The following OTUD7A variants were observed in gnomAD, a reference collection of about 807,000 sequenced individuals.
OTUD7A encodes the protein OTU domain-containing protein 7A.
A neutral mutation model predicts 65.7 loss-of-function variants in OTUD7A; 12 were observed. The ratio of observed to expected loss-of-function variants is 0.18; its 90% CI spans 0.12 to 0.30. The LOEUF is 0.30. Among genes scored for constraint, OTUD7A ranks in the 10% least tolerant of loss-of-function variants. The probability of loss-of-function intolerance (pLI) is 1.00; values close to 1 mark genes in which losing one functional copy is unlikely to be tolerated. For missense variants in OTUD7A, 1,148 were observed against 1,304.8 expected (o/e 0.88, Z 1.85); for synonymous variants, 641 against 586.3 (o/e 1.09, Z -1.35).
At chr15:31,861,943 T>C (rs1012890063) in intron 1 of OTUD7A, among the ~76,000 whole-genome samples, 1 of 152,174 alleles carries the variant, frequency 6.6e-6, no homozygotes, top group Non-Finnish European at 1.5e-5. Context: ...TGGCAAGAGA[T>C]GGCCAGTGGT....
intron 1 of OTUD7A, among the ~76,000 whole-genome samples, chr15:31,785,721 G>C (rs939321807): frequency 1.3e-5 from 2 of 152,228 alleles, no homozygotes; most frequent in Non-Finnish European, 2.9e-5. Context: ...TTGCAAAGCA[G>C]TGAGAGCCTG....
intron 1 of OTUD7A, among the ~76,000 whole-genome samples, chr15:31,833,761 G>C (rs1262454180): frequency 6.6e-6 from 1 of 152,206 alleles, no homozygotes; most frequent in Non-Finnish European, 1.5e-5. Context: ...TCAGTATTTT[G>C]AGTGAATAGA....
chr15:31,601,605 G>GA lies in OTUD7A; in HGVS notation c.152-31409dup, dbSNP rs931940208. 7.2e-5 allele frequency among the ~76,000 whole-genome samples: 11 copies of GA among 152,156 alleles called. No homozygotes were observed. In the South Asian group the frequency reaches 2.1e-3, roughly 29 times the overall value. ...CTAGCAGAAGACAAGAAAAAACTAA[G>GA]ATCAGAGCAGAACTGAAGGAGATAG... On this transcript the variant is annotated intron_variant, in intron 3 of 12. Transcript: ENST00000307050.
At chr15:31,610,619 T>TATA (rs1249344964) in intron 3 of OTUD7A, among the ~76,000 whole-genome samples, 23 of 45,496 alleles carry the variant, frequency 5.1e-4, no homozygotes, top group Non-Finnish European at 8.3e-4. Flanking sequence ...ATATATATAT[T>TATA]TTTTTTTTTT....
chr15:31,716,984 G>C (rs1298490619), intron 1 of OTUD7A, among the ~76,000 whole-genome samples: 1 of 152,058 alleles, frequency 6.6e-6, no homozygotes, highest in East Asian at 1.9e-4. Flanking sequence ...TAGAAAACTT[G>C]CAAAAATAGT....
At chr15:31,510,083 T>G (rs759487360) in intron 8 of OTUD7A, among the ~76,000 whole-genome samples, 1 of 134,648 alleles carries the variant, frequency 7.4e-6, no homozygotes. Context: ...GTTTCCCCTG[T>G]TTTTTTTTTT....
chr15:31,589,024 A>C (rs1285109917), intron 3 of OTUD7A, among the ~76,000 whole-genome samples: 1 of 152,214 alleles, frequency 6.6e-6, no homozygotes, highest in Non-Finnish European at 1.5e-5. Flanking sequence ...ATTGAAGTGC[A>C]AGGGAGACTG....
intron 1 of OTUD7A, among the ~76,000 whole-genome samples, chr15:31,847,584 G>A (rs1025722312): frequency 6.6e-6 from 1 of 152,184 alleles, no homozygotes; most frequent in African/African-American, 2.4e-5. Flanking sequence ...TTGCAACACA[G>A]GGAAGACCTT....
chr15:31,868,307 G>C lies in OTUD7A; in HGVS notation c.-100+2200C>G, dbSNP rs191016090. On this transcript the variant is annotated intron_variant, in intron 1 of 12. Transcript: ENST00000307050. ...CTAAAGATTTAGTGGAAACACTTCC[G>C]TTTGAAGTTTTACTAGTACTACAGC... Among the ~76,000 whole-genome samples, 8 of 152,302 alleles carry C rather than the reference G, an allele frequency of 5.3e-5. No individual in the cohort carries two copies. The East Asian group carries it at 1.5e-3, about 29-fold the overall frequency.
At chr15:31,659,186 T>TG (rs1892087570) in intron 1 of OTUD7A, among the ~76,000 whole-genome samples, 1 of 152,184 alleles carries the variant, frequency 6.6e-6, no homozygotes, top group African/African-American at 2.4e-5. Context: ...AACGGGTAGA[T>TG]GGAGAATGAG....
intron 1 of OTUD7A, among the ~76,000 whole-genome samples, chr15:31,721,771 T>A (rs553885815): frequency 1.3e-5 from 2 of 152,256 alleles, no homozygotes; most frequent in Admixed American, 1.3e-4. Context: ...ACCATGAAAG[T>A]GTATCCCACA....
intron 3 of OTUD7A, among the ~76,000 whole-genome samples, chr15:31,602,514 A>C (rs1890109312): frequency 6.6e-6 from 1 of 152,196 alleles, no homozygotes; most frequent in Non-Finnish European, 1.5e-5. Flanking sequence ...AATGGGCAAA[A>C]ACTGGAAGCA....
chr15:31,558,802 C>T (rs911410532), intron 5 of OTUD7A, 167 bp downstream of exon 5: 14 of 724,394 alleles, frequency 1.9e-5, no homozygotes, highest in Admixed American at 2.6e-5. Context: ...CTGGCTAGAA[C>T]ACTGTCGGCC....
intron 3 of OTUD7A, among the ~76,000 whole-genome samples, chr15:31,593,845 C>T (rs946940225): frequency 1.3e-5 from 2 of 152,156 alleles, no homozygotes; most frequent in Admixed American, 6.5e-5. Context: ...GCCATTCCCC[C>T]GATGTGTAAG....
intron 3 of OTUD7A, among the ~76,000 whole-genome samples, chr15:31,593,259 A>C (rs1889803613): frequency 1.3e-5 from 2 of 152,050 alleles, no homozygotes; most frequent in South Asian, 4.1e-4. Context: ...TATGTGGCAC[A>C]TGACTGCACA....
intron 1 of OTUD7A, among the ~76,000 whole-genome samples, chr15:31,761,521 A>T (rs1030651699): frequency 6.6e-6 from 1 of 152,204 alleles, no homozygotes; most frequent in African/African-American, 2.4e-5. Context: ...GACAAACAAT[A>T]ATAAGTGTTG....
At chr15:31,622,748 C>A (rs1251717409) in intron 3 of OTUD7A, among the ~76,000 whole-genome samples, 1 of 152,168 alleles carries the variant, frequency 6.6e-6, no homozygotes, top group Non-Finnish European at 1.5e-5. Flanking sequence ...TCGTCTGAAG[C>A]CTTCTTCTCT....
intron 5 of OTUD7A, among the ~76,000 whole-genome samples, chr15:31,549,164 T>C (rs554779647): frequency 4.2e-4 from 62 of 146,372 alleles, no homozygotes; most frequent in African/African-American, 1.5e-3. Flanking sequence ...AAAAGTAGAA[T>C]TCAGTCCAAA....
chr15:31,612,596 A>G (rs1370918750), intron 3 of OTUD7A, among the ~76,000 whole-genome samples: 1 of 152,210 alleles, frequency 6.6e-6, no homozygotes, highest in Non-Finnish European at 1.5e-5. Context: ...GAGGAGGAGA[A>G]AGACCTCTAC....
Sources: allele counts gnomAD v4.1 joint callset (sites outside exome capture counted in the v4.1 genomes callset), GRCh38; gene constraint gnomAD v4.1.1; transcripts MANE v1.5; gene names NCBI Gene and HGNC (gene_info 2026-07-23, HGNC 2026-07-21).